The following PCAT7 variants were observed in gnomAD, a reference collection of about 807,000 sequenced individuals.
PCAT7 encodes the protein prostate cancer associated transcript 7 (non-protein coding).
intron 2 of PCAT7, chr9:94,570,924 A>G (rs1356453375): frequency 6.6e-6 from 1 of 152,232 alleles, no homozygotes; most frequent in Non-Finnish European, 1.5e-5. Context: ...ACAGCTGTAA[A>G]TCAAAAACTT....
chr9:94,572,473 G>A (rs749289801), intron 2 of PCAT7, among the ~76,000 whole-genome samples: 4 of 152,284 alleles, frequency 2.6e-5, no homozygotes, highest in Admixed American at 6.5e-5. Context: ...AAACCCGAAT[G>A]TTCTTGCCTC....
At chr9:94,567,416 A>G (rs1827206525) in intron 2 of PCAT7, 3 of 1,612,982 alleles carry the variant, frequency 1.9e-6, no homozygotes, top group South Asian at 2.2e-5. Flanking sequence ...GCCTAGCAAC[A>G]TGAAGAGAGA....
intron 2 of PCAT7, chr9:94,563,328 C>T: frequency 1.2e-6 from 2 of 1,613,176 alleles, no homozygotes; most frequent in South Asian, 1.1e-5. Flanking sequence ...AGCCAGTGGA[C>T]AAGGGAGAAT....
intron 3 of PCAT7, among the ~76,000 whole-genome samples, chr9:94,574,121 AAAAC>A (rs907606366): frequency 3.9e-5 from 6 of 152,172 alleles, no homozygotes; most frequent in African/African-American, 1.4e-4. Flanking sequence ...ATCCTTTTGA[AAAAC>A]AAGGCAACCT....
At chr9:94,558,419 C>A (rs993288307) in intron 1 of PCAT7, among the ~76,000 whole-genome samples, 4 of 152,116 alleles carry the variant, frequency 2.6e-5, no homozygotes, top group Non-Finnish European at 4.4e-5. Context: ...CTCAGCCTCC[C>A]GAGTAGCTGG....
intron 2 of PCAT7, among the ~76,000 whole-genome samples, chr9:94,561,912 T>C (rs1464889195): frequency 2.0e-5 from 3 of 152,200 alleles, no homozygotes; most frequent in African/African-American, 7.2e-5. Context: ...TGTGATCCCA[T>C]GTGAGTATTT....
intron 3 of PCAT7, among the ~76,000 whole-genome samples, chr9:94,574,645 T>A (rs1827299424): frequency 1.3e-5 from 2 of 152,174 alleles, no homozygotes; most frequent in Admixed American, 1.3e-4. Context: ...AAATTATTCA[T>A]GACATTCCAT....
chr9:94,573,683 G>T (rs1188036779), intron 3 of PCAT7, among the ~76,000 whole-genome samples: 1 of 152,154 alleles, frequency 6.6e-6, no homozygotes, highest in Non-Finnish European at 1.5e-5. Context: ...ACCCCACTCA[G>T]CCATGGTGTA....
At chr9:94,563,540 T>C in intron 2 of PCAT7, 3 of 1,524,920 alleles carry the variant, frequency 2.0e-6, no homozygotes, top group Non-Finnish European at 2.7e-6. Context: ...ACAAGTCCAG[T>C]TGGTGTGACC....
At chr9:94,560,960 G>A (rs886869329) in intron 2 of PCAT7, among the ~76,000 whole-genome samples, 2 of 151,964 alleles carry the variant, frequency 1.3e-5, no homozygotes, top group African/African-American at 4.8e-5. Flanking sequence ...GTGTCCAGAA[G>A]GGTGTAAAAA....
intron 2 of PCAT7, among the ~76,000 whole-genome samples, chr9:94,565,306 C>T (rs1367859578): frequency 7.3e-6 from 1 of 137,522 alleles, no homozygotes; most frequent in Non-Finnish European, 1.5e-5. Flanking sequence ...ACCAGGGAGG[C>T]GGAGGTTGCA....
intron 2 of PCAT7, among the ~76,000 whole-genome samples, chr9:94,559,337 G>A (rs1215629393): frequency 6.6e-6 from 1 of 152,202 alleles, no homozygotes; most frequent in Non-Finnish European, 1.5e-5. Context: ...GAAGCCTTGG[G>A]GGCCCCTCTG....
intron 2 of PCAT7, among the ~76,000 whole-genome samples, chr9:94,572,258 AC>A (rs1433953950): frequency 1.3e-5 from 2 of 151,144 alleles, no homozygotes; most frequent in Admixed American, 1.3e-4. Flanking sequence ...ATTCTTCCTC[AC>A]CCCCTTATCC....
At chr9:94,562,324 A>C (rs1827121494) in intron 2 of PCAT7, among the ~76,000 whole-genome samples, 1 of 151,622 alleles carries the variant, frequency 6.6e-6, no homozygotes, top group East Asian at 1.9e-4. Context: ...AAAAAAAAAA[A>C]AAAAAAAAGA....
chr9:94,555,560 A>AT (rs1042940172), intron 1 of PCAT7, among the ~76,000 whole-genome samples: 2 of 143,944 alleles, frequency 1.4e-5, no homozygotes, highest in Non-Finnish European at 3.0e-5. Context: ...AGAAGGTGGC[A>AT]ATTGGGAAGA....
chr9:94,574,194 T>TA (rs1827295287), intron 3 of PCAT7, among the ~76,000 whole-genome samples: 1 of 152,206 alleles, frequency 6.6e-6, no homozygotes. Context: ...CAAGATAAAT[T>TA]CCCAATAATT....
intron 2 of PCAT7, among the ~76,000 whole-genome samples, chr9:94,560,575 T>G (rs536642519): frequency 1.3e-5 from 2 of 152,186 alleles, no homozygotes; most frequent in East Asian, 3.9e-4. Flanking sequence ...TACGAAATGG[T>G]TGACCCAGCT....
At chr9:94,557,875 T>G (rs1219538477) in intron 1 of PCAT7, among the ~76,000 whole-genome samples, 22 of 152,230 alleles carry the variant, frequency 1.4e-4, no homozygotes, top group Non-Finnish European at 2.1e-4. Flanking sequence ...AGATTTCAGA[T>G]GCATAAGCCA....
intron 1 of PCAT7, among the ~76,000 whole-genome samples, chr9:94,556,471 C>T (rs1386356406): frequency 6.6e-6 from 1 of 151,328 alleles, no homozygotes; most frequent in Admixed American, 6.6e-5. Flanking sequence ...GGGCCAAATG[C>T]GGTCAGGAAA....
Sources: allele counts gnomAD v4.1 joint callset (sites outside exome capture counted in the v4.1 genomes callset), GRCh38; gene constraint gnomAD v4.1.1; transcripts MANE v1.5; gene names NCBI Gene and HGNC (gene_info 2026-07-23, HGNC 2026-07-21).